Variants in PTPRQ observed in about 807,000 individuals in gnomAD.
PTPRQ encodes the protein protein tyrosine phosphatase receptor type Q.
A neutral mutation model predicts 246.0 loss-of-function variants in PTPRQ; 199 were observed. That is an observed-to-expected ratio of 0.81 (90% CI 0.72 to 0.91). PTPRQ has a LOEUF of 0.91. Ranked by LOEUF, PTPRQ falls within the 40% of genes least tolerant of loss-of-function variation. PTPRQ has a pLI of 0.00. For missense variants in PTPRQ, 2,624 were observed against 2,528.4 expected (o/e 1.04, Z -0.81); for synonymous variants, 869 against 853.2 (o/e 1.02, Z -0.32).
chr12:80,570,155 C>T (rs1181358985), intron 25 of PTPRQ, among the ~76,000 whole-genome samples: 2 of 152,124 alleles, frequency 1.3e-5, no homozygotes, highest in Non-Finnish European at 1.5e-5. Context: ...GAGGAATCAC[C>T]ACACTGTCTT....
At chr12:80,624,586 G>T (rs1321558429) in intron 33 of PTPRQ, among the ~76,000 whole-genome samples, 1 of 152,196 alleles carries the variant, frequency 6.6e-6, no homozygotes, top group Non-Finnish European at 1.5e-5. Context: ...CCCTGGAGCA[G>T]AATTCCTCAA....
At chr12:80,676,268 C>T (rs1901133796) in intron 43 of PTPRQ, among the ~76,000 whole-genome samples, 1 of 152,184 alleles carries the variant, frequency 6.6e-6, no homozygotes. Context: ...GCAGCAACTT[C>T]AGCAATATAC....
chr12:80,595,285 G>A (rs1425054755), intron 26 of PTPRQ, among the ~76,000 whole-genome samples: 1 of 151,990 alleles, frequency 6.6e-6, no homozygotes, highest in African/African-American at 2.4e-5. Context: ...TAAATAGCCA[G>A]CCGCGCATGT....
chr12:80,452,819 TTGGTG>T (rs1381570677), intron 3 of PTPRQ, among the ~76,000 whole-genome samples: 1 of 152,058 alleles, frequency 6.6e-6, no homozygotes, highest in Non-Finnish European at 1.5e-5. Context: ...CATTTCAACT[TTGGTG>T]AATATGACAA....
intron 27 of PTPRQ, among the ~76,000 whole-genome samples, chr12:80,605,508 C>G (rs1898285340): frequency 6.6e-6 from 1 of 150,848 alleles, no homozygotes; most frequent in Non-Finnish European, 1.5e-5. Context: ...TACACACATA[C>G]AAGTGGTTAA....
chr12:80,642,812 C>T (rs992854687), intron 35 of PTPRQ, among the ~76,000 whole-genome samples: 3 of 144,706 alleles, frequency 2.1e-5, no homozygotes, highest in Non-Finnish European at 3.0e-5. Flanking sequence ...CCCAGCTACT[C>T]GGGAGGCTGA....
intron 17 of PTPRQ, 140 bp from the exon 18 acceptor site, chr12:80,533,875 A>T (rs61951991): frequency 0.05 from 30,310 of 603,064 alleles, 899 homozygotes; most frequent in Middle Eastern, 0.099. Context: ...TCAGTATTTC[A>T]GGATAACCAA....
chr12:80,522,575 G>C (rs1477125015), intron 17 of PTPRQ, among the ~76,000 whole-genome samples: 1 of 152,094 alleles, frequency 6.6e-6, no homozygotes, highest in Non-Finnish European at 1.5e-5. Context: ...AACGTGAAGG[G>C]CTGTTGAATT....
chr12:80,569,850 G>T (rs560811536), intron 25 of PTPRQ, among the ~76,000 whole-genome samples: 26 of 150,874 alleles, frequency 1.7e-4, no homozygotes, highest in Non-Finnish European at 3.1e-4. Context: ...TTCTGTTCCT[G>T]TGTTAGTTTG....
Position 80,669,480 on chromosome 12 carries a change from G to A in PTPRQ, c.6453+16G>A, listed in dbSNP as rs1236869551. On this transcript the variant is annotated intron_variant, in intron 41 of 44. Coordinates refer to ENST00000644991, the MANE Select transcript of PTPRQ (RefSeq NM_001145026.2). ...AATTGAAAGGGTAAAAAAAAAAGGG[G>A]GGGACGAGAGAACATGATATAAAAT... The A allele has an allele frequency of 1.8e-5, 27 of 1,534,938 alleles. No homozygotes were observed. The Admixed American group carries it at 5.3e-4, about 30-fold the overall frequency.
intron 5 of PTPRQ, among the ~76,000 whole-genome samples, 163 bp from the exon 6 acceptor site, chr12:80,460,490 C>T (rs937006869): frequency 1.3e-5 from 2 of 152,078 alleles, no homozygotes; most frequent in Non-Finnish European, 2.9e-5. Flanking sequence ...AAACTGCAGA[C>T]ATAAATGGGT....
At chr12:80,624,602 A>G (rs1235716653) in intron 33 of PTPRQ, among the ~76,000 whole-genome samples, 1 of 152,324 alleles carries the variant, frequency 6.6e-6, no homozygotes. Flanking sequence ...CTCAATGACT[A>G]GCAAAGCAGC....
chr12:80,472,726 T>C (rs1011780235), intron 8 of PTPRQ, among the ~76,000 whole-genome samples: 1 of 152,186 alleles, frequency 6.6e-6, no homozygotes, highest in South Asian at 2.1e-4. Flanking sequence ...TTTACCAGCA[T>C]TTACTGAAAT....
rs188383285 is a variant in PTPRQ, at chr12:80,502,035, G to A, written c.2273-3989G>A. The stretch of plus-strand genomic sequence containing the variant: ...TTCAGTAATAGCTGAAGGAACAAGT[G>A]CAATCAAAAGAAGACTTTTTAAATC... On this transcript the variant is annotated intron_variant, in intron 14 of 44. Transcript: ENST00000644991. 4.9e-3 allele frequency among the ~76,000 whole-genome samples: 746 copies of A among 152,034 alleles called. 5 individuals carry two copies. Among genetic ancestry groups the A allele is most frequent in the African/African-American group, 0.017 (705 of 41,506 alleles).
At chr12:80,678,497 A>G in intron 43 of PTPRQ, 105 bp from the exon 44 acceptor site, 2 of 1,285,944 alleles carry the variant, frequency 1.6e-6, no homozygotes, top group Non-Finnish European at 2.0e-6. Flanking sequence ...TAACTTAGCT[A>G]TTTATTTGAT....
intron 33 of PTPRQ, among the ~76,000 whole-genome samples, chr12:80,625,738 G>A (rs1899179331): frequency 6.6e-6 from 1 of 152,108 alleles, no homozygotes; most frequent in African/African-American, 2.4e-5. Context: ...AAACAGGGAA[G>A]ATAACGTATG....
At chr12:80,504,092 G>A (rs1186894359) in intron 14 of PTPRQ, among the ~76,000 whole-genome samples, 11 of 151,526 alleles carry the variant, frequency 7.3e-5, no homozygotes, top group Non-Finnish European at 1.5e-5. Flanking sequence ...TAATTTTGAT[G>A]AGCCTCAGCC....
At position 80,620,246 on chromosome 12, in the gene PTPRQ, T is replaced by C; in HGVS notation, c.5482T>C (p.Cys1828Arg). 1 of 1,549,406 alleles carries C rather than the reference T, an allele frequency of 6.5e-7. No individual in the cohort carries two copies. The highest frequency in any genetic ancestry group is 8.7e-7 in the Non-Finnish European group (1 of 1,145,420). The change falls in exon 32 of 45, where the codon TGT becomes CGT. Residue 1828 changes from cysteine to arginine, a missense_variant. Coordinates refer to ENST00000644991, the MANE Select transcript of PTPRQ (RefSeq NM_001145026.2). Reference protein sequence around the residue: ...FTNEGFPNPPCTEGKTKFSGN... With the variant: ...FTNEGFPNPPRTEGKTKFSGN... ...AAATGAAGGCTTTCCTAACCCTCCA[T>C]GTACAGAAGGAAAGACAAAGTTTAG...
At chr12:80,546,790 TAA>T (rs1896321335) in intron 24 of PTPRQ, 93 bp downstream of exon 24, 1 of 1,425,582 alleles carries the variant, frequency 7.0e-7, no homozygotes, top group African/African-American at 1.4e-5. Context: ...TATCATTACT[TAA>T]GAGTCTACTC....
Sources: gnomAD v4.1 joint callset for allele counts (sites outside exome capture counted in the v4.1 genomes callset) on GRCh38, gnomAD v4.1.1 for gene constraint, MANE v1.5 for transcripts, NCBI Gene and HGNC (gene_info 2026-07-23, HGNC 2026-07-21) for gene names.